The following MBLAC2 variants were observed in gnomAD, a reference collection of about 807,000 sequenced individuals.
MBLAC2 encodes the protein acyl-coenzyme A thioesterase MBLAC2.
A neutral mutation model predicts 23.3 loss-of-function variants in MBLAC2; 24 were observed. The ratio of observed to expected loss-of-function variants is 1.03; its 90% CI spans 0.75 to 1.45. The LOEUF is 1.45. Among genes scored for constraint, MBLAC2 ranks in the 40% most tolerant of loss-of-function variants. The pLI, the probability that MBLAC2 is intolerant of heterozygous loss-of-function variation, is 0.00. For missense variants in MBLAC2, 358 were observed against 370.0 expected (o/e 0.97, Z 0.27); for synonymous variants, 162 against 150.9 (o/e 1.07, Z -0.54).
At position 90,459,227 on chromosome 5, in the gene MBLAC2, T is replaced by C. The variant is rs1217983247; in HGVS notation, c.*1940A>G. On this transcript the variant is annotated 3_prime_UTR_variant, in exon 2 of 2. Transcript: ENST00000316610. ...GACCTACTACCTTGAATGACCATCA[T>C]AGAGAAATGCCCATGATATTCTGTT... The C allele has an allele frequency of 6.6e-6, 1 of 152,568 alleles. No homozygotes were observed. Among genetic ancestry groups the C allele is most frequent in the African/African-American group, 2.4e-5 (1 of 41,454 alleles). The allele number at this position is 152,568 out of a possible 1,614,324, so 9.5% of individuals were successfully genotyped here.
rs921390362 is a variant in MBLAC2 at position 90,458,708 on chromosome 5, C to T, written c.*2459G>A. 7 of 152,242 alleles carry T rather than the reference C, an allele frequency of 4.6e-5. No homozygotes were observed. The highest frequency in any genetic ancestry group is 1.7e-4 in the African/African-American group (7 of 41,560). 9.4% of individuals were successfully genotyped at this position (152,242 alleles called of 1,614,324 possible). A position where few individuals can be genotyped will look rare whatever the true frequency, so the allele number is the denominator to read the frequency against. ...AAAGAGAAGTGTGGGGCAGACAGACCTGTGTTCAGTTACTAGCTTTGTCCA... is the reference window on the plus strand; with the variant it reads ...AAAGAGAAGTGTGGGGCAGACAGACTTGTGTTCAGTTACTAGCTTTGTCCA... On this transcript the variant is annotated 3_prime_UTR_variant, in exon 2 of 2. Transcript: ENST00000316610.
At chr5:90,473,080 T>G (rs905396303) in intron 1 of MBLAC2, 1 of 152,230 alleles carries the variant, frequency 6.6e-6, no homozygotes, top group African/African-American at 2.4e-5. Flanking sequence ...ATACTTGTCT[T>G]TCACAGAGCC....
intron 1 of MBLAC2, 65 bp from the exon 2 acceptor site, chr5:90,461,617 C>T: frequency 7.0e-7 from 1 of 1,430,690 alleles, no homozygotes; most frequent in Non-Finnish European, 9.5e-7. Context: ...GTAAAGCATA[C>T]TAGAGCATTA....
chr5:90,470,440 C>T (rs1361890429), intron 1 of MBLAC2, among the ~76,000 whole-genome samples: 1 of 151,994 alleles, frequency 6.6e-6, no homozygotes, highest in African/African-American at 2.4e-5. Flanking sequence ...ATCAAAATAT[C>T]ACACGTACCC....
At chr5:90,467,463 T>C (rs1750467742) in intron 1 of MBLAC2, among the ~76,000 whole-genome samples, 2 of 152,342 alleles carry the variant, frequency 1.3e-5, no homozygotes, top group East Asian at 1.9e-4. Flanking sequence ...TTAACTGCTG[T>C]TGCTTTACAT....
intron 1 of MBLAC2, among the ~76,000 whole-genome samples, chr5:90,462,820 A>G (rs1750387360): frequency 6.6e-6 from 1 of 152,184 alleles, no homozygotes; most frequent in Admixed American, 6.5e-5. Flanking sequence ...AAATAAGTAA[A>G]TAGAAAATCA....
chr5:90,473,559 C>CGAT (rs1750609383), intron 1 of MBLAC2: 1 of 639,608 alleles, frequency 1.6e-6, no homozygotes, highest in African/African-American at 1.8e-5. Flanking sequence ...CTGCTACAGC[C>CGAT]GATGCAGGAA....
At chr5:90,465,522 G>C (rs1230565055) in intron 1 of MBLAC2, among the ~76,000 whole-genome samples, 1 of 152,136 alleles carries the variant, frequency 6.6e-6, no homozygotes, top group African/African-American at 2.4e-5. Context: ...ATATGGTGTG[G>C]CTAATGGTGC....
At position 90,473,981 on chromosome 5, in the gene MBLAC2, C is replaced by T; in HGVS notation, c.312G>A (p.Glu104=). The T allele has an allele frequency of 6.3e-7, 1 of 1,598,866 alleles. No individual in the cohort carries two copies. The highest frequency in any genetic ancestry group is 8.5e-7 in the Non-Finnish European group (1 of 1,173,832). ...QFDRVAVHHA[E]AEALARGDNF... ...TGTCCCCGCGAGCCAGCGCCTCGGC[C>T]TCGGCGTGGTGCACTGCCACGCGGT... Residue 104 remains glutamate (E), a synonymous_variant, in exon 1 of 2, where the codon GAG becomes GAA. Transcript: ENST00000316610.
In MBLAC2 at chr5:90,467,969, G is replaced by A. The variant is rs190706740; in HGVS notation, c.454+5870C>T. Among the ~76,000 whole-genome samples the A allele has an allele frequency of 1.1e-4, 16 of 152,304 alleles. No individual in the cohort carries two copies. In the East Asian group the frequency reaches 3.1e-3, roughly 29 times the overall value. Reference sequence around the variant, plus strand: ...TGTATCTTTCTTTCATTTATGAAGTGTAGTTTCACTGGATACAAAATTATT... The same window carrying A: ...TGTATCTTTCTTTCATTTATGAAGTATAGTTTCACTGGATACAAAATTATT... On this transcript the variant is annotated intron_variant, in intron 1 of 1. Transcript: ENST00000316610.
chr5:90,469,856 C>A (rs183838454), intron 1 of MBLAC2, among the ~76,000 whole-genome samples: 9 of 152,120 alleles, frequency 5.9e-5, no homozygotes, highest in Non-Finnish European at 8.8e-5. Flanking sequence ...AACTACCATA[C>A]GACCTAGCAA....
At chr5:90,463,082 T>A (rs1412516971) in intron 1 of MBLAC2, among the ~76,000 whole-genome samples, 1 of 152,190 alleles carries the variant, frequency 6.6e-6, no homozygotes, top group Non-Finnish European at 1.5e-5. Flanking sequence ...TAACATGTAG[T>A]CTTTTTGTTT....
chr5:90,462,867 C>A (rs1180223419), intron 1 of MBLAC2, among the ~76,000 whole-genome samples: 4 of 152,020 alleles, frequency 2.6e-5, no homozygotes, highest in Non-Finnish European at 5.9e-5. Flanking sequence ...TCTTATCAAC[C>A]AACTTGACCT....
At position 90,459,119 on chromosome 5, in the gene MBLAC2, GCTTT is replaced by G. The variant is rs1561237242; in HGVS notation, c.*2044_*2047del. ...TTGTGCTATTGATATAAAAATAATG[GCTTT>G]ATTTAAGGCTTAGTAAGTGATTATT... On this transcript the variant is annotated 3_prime_UTR_variant, in exon 2 of 2. Coordinates refer to ENST00000316610, the MANE Select transcript of MBLAC2 (RefSeq NM_203406.2). 1 of 152,510 alleles carries G rather than the reference GCTTT, an allele frequency of 6.6e-6. No homozygotes were observed. The highest frequency in any genetic ancestry group is 1.9e-4 in the East Asian group (1 of 5,176). The allele number at this position is 152,510 out of a possible 1,614,324, so 9.4% of individuals were successfully genotyped here. A position where few individuals can be genotyped will look rare whatever the true frequency, so the allele number is the denominator to read the frequency against.
At chr5:90,464,448 G>C (rs371864617) in intron 1 of MBLAC2, among the ~76,000 whole-genome samples, 1 of 152,018 alleles carries the variant, frequency 6.6e-6, no homozygotes, top group African/African-American at 2.4e-5. Flanking sequence ...AGCCAAGTAG[G>C]GTGTTTTGTG....
chr5:90,467,872 C>T (rs901209490), intron 1 of MBLAC2, among the ~76,000 whole-genome samples: 5 of 152,062 alleles, frequency 3.3e-5, no homozygotes, highest in Admixed American at 6.5e-5. Context: ...ATTTAGAGCT[C>T]CTTTTATCAG....
At chr5:90,470,785 C>CACACACACACACACACAA (rs3220210) in intron 1 of MBLAC2, among the ~76,000 whole-genome samples, 2,005 of 147,950 alleles carry the variant, frequency 0.014, 28 homozygotes, top group Non-Finnish European at 0.019. Context: ...CACACACACA[C>CACACACACACACACACAA]GCTTTCTTTC....
rs774040817 is a variant in MBLAC2 at position 90,474,386 on chromosome 5, T to C, written c.-94A>G. On this transcript the variant is annotated 5_prime_UTR_variant, in exon 1 of 2. Coordinates refer to ENST00000316610, the MANE Select transcript of MBLAC2 (RefSeq NM_203406.2). ...AGGGCACTGCGGCTGTGTGAAGCGG[T>C]CTGCCTGCAGCCAGGGAGGAGGCGT... The C allele has an allele frequency of 1.4e-5, 17 of 1,190,138 alleles. No homozygotes were observed. The highest frequency in any genetic ancestry group is 2.1e-5 in the Admixed American group (1 of 46,616). 73.7% of individuals were successfully genotyped at this position (1,190,138 alleles called of 1,614,324 possible).
chr5:90,474,408 G>T lies in MBLAC2; in HGVS notation c.-116C>A. On this transcript the variant is annotated 5_prime_UTR_variant, in exon 1 of 2. Coordinates refer to ENST00000316610, the MANE Select transcript of MBLAC2 (RefSeq NM_203406.2). The stretch of plus-strand genomic sequence containing the variant: ...CGGTCTGCCTGCAGCCAGGGAGGAG[G>T]CGTAGAGCGAGGCGGGGGCGTGGGA... 1 of 953,048 alleles carries T rather than the reference G, an allele frequency of 1.0e-6. No homozygotes were observed. Among genetic ancestry groups the T allele is most frequent in the Non-Finnish European group, 1.6e-6 (1 of 622,186 alleles). The allele number at this position is 953,048 out of a possible 1,614,324, so 59.0% of individuals were successfully genotyped here.
Sources: allele counts gnomAD v4.1 joint callset (sites outside exome capture counted in the v4.1 genomes callset), GRCh38; gene constraint gnomAD v4.1.1; transcripts MANE v1.5; gene names NCBI Gene and HGNC (gene_info 2026-07-23, HGNC 2026-07-21).